Variants in SOX6 observed in about 807,000 individuals in gnomAD.
SOX6 encodes the protein SRY-box transcription factor 6.
Under a neutral mutation model 97.8 loss-of-function variants are expected in SOX6, and 11 were observed. The observed-to-expected ratio is 0.11, with a 90% CI of 0.07 to 0.19. The LOEUF is 0.19. SOX6 is among the 10% of genes least tolerant of loss of function. The pLI is 1.00. For missense variants in SOX6, 810 were observed against 1,039.5 expected (o/e 0.78, Z 3.04); for synonymous variants, 360 against 371.4 (o/e 0.97, Z 0.35).
At chr11:16,107,577 T>C (rs937556091) in intron 7 of SOX6, among the ~76,000 whole-genome samples, 1 of 151,526 alleles carries the variant, frequency 6.6e-6, no homozygotes, top group Non-Finnish European at 1.5e-5. Context: ...ATGAAGTACC[T>C]ACAATAAGCA....
chr11:16,186,986 G>C (rs1172880006), intron 4 of SOX6, 31 bp from the exon 5 acceptor site: 1 of 1,612,646 alleles, frequency 6.2e-7, no homozygotes, highest in Admixed American at 1.7e-5. Flanking sequence ...GATCTCACAA[G>C]CTTGAGAAAT....
chr11:16,621,819 G>A lies in SOX6; in HGVS notation n.430-9559C>T, dbSNP rs1426777475. Among the ~76,000 whole-genome samples, 5 of 152,112 alleles carry A rather than the reference G, an allele frequency of 3.3e-5. No individual in the cohort carries two copies. The East Asian group carries it at 9.6e-4, about 29-fold the overall frequency. ...GAAAATAAAAGCATTCCTCATAGGAGACATCCTAAGAATGCATATATGCAA... is the reference window on the plus strand; with the variant it reads ...GAAAATAAAAGCATTCCTCATAGGAAACATCCTAAGAATGCATATATGCAA... On this transcript the variant is annotated intron_variant and non_coding_transcript_variant, in intron 3 of 5. Transcript: ENST00000524520.
intron 4 of SOX6, among the ~76,000 whole-genome samples, chr11:16,487,275 C>T (rs913979406): frequency 1.4e-4 from 21 of 151,938 alleles, no homozygotes; most frequent in African/African-American, 4.8e-4. Flanking sequence ...TTGCAGGGTG[C>T]TTTTTTTAAA....
At chr11:16,342,694 T>C (rs936576203) in intron 1 of SOX6, among the ~76,000 whole-genome samples, 1 of 151,958 alleles carries the variant, frequency 6.6e-6, no homozygotes, top group East Asian at 1.9e-4. Flanking sequence ...ATGTTTCACA[T>C]AGGATTTAAC....
Position 16,666,027 on chromosome 11 carries a change from A to C in SOX6, n.429+48803T>G, listed in dbSNP as rs57438926. Among the ~76,000 whole-genome samples the C allele has an allele frequency of 6.6e-4, 101 of 152,292 alleles. 2 individuals carry two copies. The East Asian group carries it at 0.016, about 25-fold the overall frequency. On this transcript the variant is annotated intron_variant and non_coding_transcript_variant, in intron 3 of 5. Transcript: ENST00000524520. ...TGCAGATACAGATGCAGTGACCAAAAACTGAAATCATAGCACCCAAGTCCC... is the reference window on the plus strand; with the variant it reads ...TGCAGATACAGATGCAGTGACCAAACACTGAAATCATAGCACCCAAGTCCC...
At chr11:16,162,648 C>T (rs1225139931) in intron 6 of SOX6, among the ~76,000 whole-genome samples, 1 of 152,196 alleles carries the variant, frequency 6.6e-6, no homozygotes, top group Non-Finnish European at 1.5e-5. Flanking sequence ...CAAGCAGATG[C>T]CCAGTGCCTT....
intron 2 of SOX6, among the ~76,000 whole-genome samples, chr11:16,333,779 T>C (rs77336033): frequency 9.2e-5 from 14 of 152,266 alleles, no homozygotes; most frequent in African/African-American, 2.9e-4. Context: ...ACTTTTCCTA[T>C]GTGTGTAAAT....
rs1847733985 is a variant in SOX6, at chr11:16,554,876, ATC to A, written n.609+57203_609+57204del. On this transcript the variant is annotated intron_variant and non_coding_transcript_variant, in intron 4 of 5. Coordinates refer to the SOX6 transcript ENST00000524520. ...CCTGCCAAAAGTCAGCAATTGTGTG[ATC>A]TCTTACAAATCAGTTGTTTTGCATG... 3.3e-5 allele frequency among the ~76,000 whole-genome samples: 5 copies of A among 152,148 alleles called. No individual in the cohort carries two copies. The South Asian group carries it at 1.0e-3, about 31-fold the overall frequency.
At chr11:16,598,129 C>T (rs1848232024) in intron 4 of SOX6, among the ~76,000 whole-genome samples, 1 of 152,014 alleles carries the variant, frequency 6.6e-6, no homozygotes, top group African/African-American at 2.4e-5. Flanking sequence ...ATACCAATCC[C>T]TCAGCTTAGT....
intron 3 of SOX6, among the ~76,000 whole-genome samples, chr11:16,690,401 C>A (rs1359596736): frequency 6.6e-6 from 1 of 152,232 alleles, no homozygotes; most frequent in Non-Finnish European, 1.5e-5. Context: ...TTTTATAGAA[C>A]CCATTTTAAA....
At chr11:16,018,099 T>C (rs893021866) in intron 12 of SOX6, among the ~76,000 whole-genome samples, 1 of 152,074 alleles carries the variant, frequency 6.6e-6, no homozygotes, top group Non-Finnish European at 1.5e-5. Context: ...ATGTATGAGG[T>C]AGATGTTGCA....
At chr11:16,266,959 T>C (rs1854099169) in intron 3 of SOX6, among the ~76,000 whole-genome samples, 1 of 150,728 alleles carries the variant, frequency 6.6e-6, no homozygotes, top group Non-Finnish European at 1.5e-5. Context: ...GTCTCTTCAA[T>C]AGATGGAGCT....
intron 3 of SOX6, among the ~76,000 whole-genome samples, chr11:16,640,608 G>C (rs909087835): frequency 6.6e-6 from 1 of 152,182 alleles, no homozygotes; most frequent in African/African-American, 2.4e-5. Context: ...GGTCTAGTCA[G>C]AGATTCAACT....
chr11:16,150,830 G>C (rs1353956520), intron 6 of SOX6, among the ~76,000 whole-genome samples: 1 of 152,046 alleles, frequency 6.6e-6, no homozygotes, highest in Non-Finnish European at 1.5e-5. Context: ...ATTTCTTCTA[G>C]CTCCTGACAA....
At chr11:16,604,120 C>T (rs1185464256) in intron 4 of SOX6, among the ~76,000 whole-genome samples, 1 of 152,242 alleles carries the variant, frequency 6.6e-6, no homozygotes, top group Admixed American at 6.5e-5. Flanking sequence ...TCAGCTTCGC[C>T]GGCCCTTGGC....
chr11:16,635,354 CT>C (rs1848769304), intron 3 of SOX6, among the ~76,000 whole-genome samples: 1 of 152,158 alleles, frequency 6.6e-6, no homozygotes. Flanking sequence ...AGATGAGGAA[CT>C]TGTTGGGAAC....
chr11:16,030,544 A>C (rs1214507279), intron 12 of SOX6, among the ~76,000 whole-genome samples: 1 of 152,150 alleles, frequency 6.6e-6, no homozygotes, highest in Non-Finnish European at 1.5e-5. Context: ...TAGCTCATTA[A>C]ATTACCTTTT....
chr11:16,399,343 T>C (rs926870135), intron 1 of SOX6, among the ~76,000 whole-genome samples: 3 of 150,228 alleles, frequency 2.0e-5, no homozygotes, highest in African/African-American at 7.4e-5. Flanking sequence ...TTGTTTTATA[T>C]TATTTTTATT....
chr11:16,326,790 C>T (rs1462989982), intron 2 of SOX6, among the ~76,000 whole-genome samples: 1 of 152,168 alleles, frequency 6.6e-6, no homozygotes, highest in Admixed American at 6.5e-5. Context: ...AATTTTGGAG[C>T]ATCTGGGCTG....
Sources: gnomAD v4.1 joint callset for allele counts (sites outside exome capture counted in the v4.1 genomes callset) on GRCh38, gnomAD v4.1.1 for gene constraint, MANE v1.5 for transcripts, NCBI Gene and HGNC (gene_info 2026-07-23, HGNC 2026-07-21) for gene names.